The following GRID2 variants were observed in gnomAD, a reference collection of about 807,000 sequenced individuals.
GRID2 encodes the protein glutamate ionotropic receptor delta type subunit 2.
In GRID2, 33 loss-of-function variants were observed where a neutral mutation model predicts 114.8. The ratio of observed to expected loss-of-function variants is 0.29; its 90% CI spans 0.22 to 0.38. GRID2 has a LOEUF of 0.38. GRID2 is among the 10% of genes least tolerant of loss of function. The pLI is 1.00. For synonymous variants in GRID2, 505 were observed against 449.9 expected (o/e 1.12, Z -1.55); for missense variants, 1,184 against 1,257.7 (o/e 0.94, Z 0.89).
At chr4:92,814,242 A>G (rs1202463456) in intron 2 of GRID2, among the ~76,000 whole-genome samples, 3 of 152,164 alleles carry the variant, frequency 2.0e-5, no homozygotes, top group South Asian at 2.1e-4. Flanking sequence ...CTACCAACAG[A>G]TAGAACCCAC....
chr4:93,733,686 T>G (rs1417257900), intron 14 of GRID2, among the ~76,000 whole-genome samples: 1 of 152,116 alleles, frequency 6.6e-6, no homozygotes, highest in Non-Finnish European at 1.5e-5. Flanking sequence ...TCCCCCAATT[T>G]GCTTTCAAAT....
chr4:92,792,738 T>C (rs528352895), intron 2 of GRID2, among the ~76,000 whole-genome samples: 1 of 152,012 alleles, frequency 6.6e-6, no homozygotes, highest in Admixed American at 6.6e-5. Context: ...TGTCTCCCAC[T>C]TCTGCATAAT....
intron 3 of GRID2, among the ~76,000 whole-genome samples, chr4:93,095,654 G>T (rs979250478): frequency 2.6e-5 from 4 of 151,780 alleles, no homozygotes; most frequent in African/African-American, 9.7e-5. Flanking sequence ...AATTAAACCT[G>T]AAATAAAACA....
intron 9 of GRID2, among the ~76,000 whole-genome samples, chr4:93,418,866 G>A (rs1469568305): frequency 1.3e-5 from 2 of 151,896 alleles, no homozygotes; most frequent in Non-Finnish European, 2.9e-5. Flanking sequence ...CATAAATTGT[G>A]TTAAAATTTG....
At chr4:93,690,229 T>G (rs76825993) in intron 14 of GRID2, among the ~76,000 whole-genome samples, 6,257 of 152,074 alleles carry the variant, frequency 0.041, 198 homozygotes, top group African/African-American at 0.081. Context: ...TGGGGGTACA[T>G]ACATATAAAA....
At chr4:93,751,462 A>G (rs1004735009) in intron 14 of GRID2, among the ~76,000 whole-genome samples, 2 of 152,002 alleles carry the variant, frequency 1.3e-5, no homozygotes, top group Admixed American at 6.6e-5. Flanking sequence ...TCAGTATTGC[A>G]ATGGGTCTCC....
intron 14 of GRID2, among the ~76,000 whole-genome samples, chr4:93,762,131 G>A (rs1355651775): frequency 1.3e-5 from 2 of 152,082 alleles, no homozygotes; most frequent in African/African-American, 4.8e-5. Flanking sequence ...CCATGGAGAG[G>A]AAAATTTTGT....
rs371408681 is a variant in GRID2, at chr4:92,590,298, A to T, written c.244+12A>T. 3 of 1,597,364 alleles carry T rather than the reference A, an allele frequency of 1.9e-6. No homozygotes were observed. Among genetic ancestry groups the T allele is most frequent in the Non-Finnish European group, 2.6e-6 (3 of 1,171,730 alleles). ...AGCAGTTCAAGAAGGTAAGGTCATCAGTATTTATTTTGGTTTTTTGGTTCA... is the reference window on the plus strand; with the variant it reads ...AGCAGTTCAAGAAGGTAAGGTCATCTGTATTTATTTTGGTTTTTTGGTTCA... On this transcript the variant is annotated intron_variant, in intron 2 of 15. Coordinates refer to ENST00000282020, the MANE Select transcript of GRID2 (RefSeq NM_001510.4).
At chr4:92,884,453 C>G (rs1746228523) in intron 2 of GRID2, among the ~76,000 whole-genome samples, 2 of 152,212 alleles carry the variant, frequency 1.3e-5, no homozygotes, top group South Asian at 4.1e-4. Context: ...CTCTACAACA[C>G]AACTTGGCTA....
intron 2 of GRID2, among the ~76,000 whole-genome samples, chr4:92,990,368 G>T (rs1456259285): frequency 6.6e-6 from 1 of 150,660 alleles, no homozygotes. Flanking sequence ...TGTCACCCAG[G>T]TTGGCTCACT....
At position 93,212,469 on chromosome 4, in the gene GRID2, C is replaced by T. The variant is rs1006330379; in HGVS notation, c.790-4269C>T. Among the ~76,000 whole-genome samples the T allele has an allele frequency of 3.4e-4, 52 of 152,142 alleles. 1 individual carries two copies. The highest frequency in any genetic ancestry group is 1.2e-3 in the African/African-American group (51 of 41,440). On this transcript the variant is annotated intron_variant, in intron 5 of 15. Transcript: ENST00000282020. ...TTCTCCCCGCAATCAGTGGATCCAG[C>T]TCAGAGCAGCCTTTCCGTGCAAGTA...
chr4:92,859,201 A>G (rs1578326916), intron 2 of GRID2, among the ~76,000 whole-genome samples: 1 of 152,224 alleles, frequency 6.6e-6, no homozygotes, highest in Non-Finnish European at 1.5e-5. Flanking sequence ...AGCAGCCATC[A>G]ACATCAAGAT....
At chr4:93,331,809 C>T (rs991462450) in intron 8 of GRID2, among the ~76,000 whole-genome samples, 3 of 152,062 alleles carry the variant, frequency 2.0e-5, no homozygotes, top group African/African-American at 7.2e-5. Context: ...TTACAGGGTT[C>T]TTAAAAGGGT....
intron 14 of GRID2, among the ~76,000 whole-genome samples, chr4:93,672,468 C>G (rs1460725183): frequency 1.3e-5 from 2 of 152,226 alleles, no homozygotes; most frequent in African/African-American, 4.8e-5. Flanking sequence ...ATGTATTTTA[C>G]TTTAAAATTT....
chr4:92,452,354 G>A (rs1720971265), intron 1 of GRID2, among the ~76,000 whole-genome samples: 1 of 150,148 alleles, frequency 6.7e-6, no homozygotes, highest in African/African-American at 2.5e-5. Flanking sequence ...GTCTCACTTG[G>A]TCACACAGGC....
At chr4:93,395,270 A>G (rs1765221811) in intron 8 of GRID2, among the ~76,000 whole-genome samples, 1 of 152,018 alleles carries the variant, frequency 6.6e-6, no homozygotes, top group African/African-American at 2.4e-5. Flanking sequence ...ATATATTAAA[A>G]AAGACATTAT....
At chr4:92,411,653 G>A (rs201409577) in intron 1 of GRID2, among the ~76,000 whole-genome samples, 10,043 of 94,832 alleles carry the variant, frequency 0.11, 671 homozygotes, top group South Asian at 0.16. Context: ...GTGTGTGTGT[G>A]TGTATATATA....
intron 10 of GRID2, among the ~76,000 whole-genome samples, chr4:93,431,981 A>C (rs1769461076): frequency 6.6e-6 from 1 of 152,214 alleles, no homozygotes; most frequent in Admixed American, 6.5e-5. Context: ...AGAATGGAAA[A>C]TTGACAAAGA....
chr4:92,785,908 T>G (rs1739302013), intron 2 of GRID2, among the ~76,000 whole-genome samples: 2 of 151,846 alleles, frequency 1.3e-5, no homozygotes, highest in Admixed American at 1.3e-4. Context: ...GCGTTTCTTG[T>G]TTTGAAAATG....
Sources: gnomAD v4.1 joint callset for allele counts (sites outside exome capture counted in the v4.1 genomes callset) on GRCh38, gnomAD v4.1.1 for gene constraint, MANE v1.5 for transcripts, NCBI Gene and HGNC (gene_info 2026-07-23, HGNC 2026-07-21) for gene names.